The following SEL1L3 variants were observed in gnomAD, a reference collection of about 807,000 sequenced individuals.
SEL1L3 encodes protein sel-1 homolog 3.
A neutral mutation model predicts 142.8 loss-of-function variants in SEL1L3; 76 were observed. The ratio of observed to expected loss-of-function variants is 0.53; its 90% confidence interval spans 0.44 to 0.64. The LOEUF (loss-of-function observed/expected upper bound fraction) is 0.64. SEL1L3 is among the 30% of genes least tolerant of loss of function. The pLI, the probability that SEL1L3 is intolerant of heterozygous loss-of-function variation, is 0.00. For synonymous variants in SEL1L3, 504 were observed against 519.6 expected (o/e 0.97, Z 0.41); for missense variants, 1,262 against 1,381.7 (o/e 0.91, Z 1.37).
intron 13 of SEL1L3, among the ~76,000 whole-genome samples, chr4:25,787,470 C>T (rs1577602112): frequency 6.6e-6 from 1 of 152,132 alleles, no homozygotes; most frequent in Non-Finnish European, 1.5e-5. Context: ...ACAGGCACAG[C>T]CACCACACCT....
chr4:25,787,010 A>G (rs912409275), intron 13 of SEL1L3, among the ~76,000 whole-genome samples: 13 of 152,322 alleles, frequency 8.5e-5, no homozygotes, highest in Non-Finnish European at 1.9e-4. Flanking sequence ...GGATATGGAC[A>G]TAAGTCCACG....
Position 25,862,657 on chromosome 4 carries a change from G to T in SEL1L3, c.162+18C>A. 1 of 1,246,744 alleles carries T rather than the reference G, an allele frequency of 8.0e-7. No homozygotes were observed. Among genetic ancestry groups the T allele is most frequent in the Non-Finnish European group, 1.0e-6 (1 of 992,696 alleles). 77.2% of individuals were successfully genotyped at this position (1,246,744 alleles called of 1,614,324 possible). A position where few individuals can be genotyped will look rare whatever the true frequency, so the allele number is the denominator to read the frequency against. On this transcript the variant is annotated intron_variant, in intron 1 of 23. Transcript: ENST00000399878. ...GCCCCGCGCGGAGGGGAAGACCCGG[G>T]CAGGGTCCGGCGCTCACCAGGTAGC...
intron 7 of SEL1L3, among the ~76,000 whole-genome samples, chr4:25,820,157 T>A (rs909318886): frequency 6.6e-6 from 1 of 152,222 alleles, no homozygotes; most frequent in African/African-American, 2.4e-5. Flanking sequence ...TCTCTTTGTG[T>A]CCAGCTTCTT....
chr4:25,798,691 G>C (rs1712960320), intron 11 of SEL1L3, among the ~76,000 whole-genome samples: 1 of 152,208 alleles, frequency 6.6e-6, no homozygotes, highest in Admixed American at 6.5e-5. Flanking sequence ...AGCCGGGCGT[G>C]GTGGCACATG....
the SEL1L3 span, among the ~76,000 whole-genome samples, chr4:25,739,072 G>A: frequency 2.0e-5 from 3 of 151,952 alleles, no homozygotes; most frequent in Non-Finnish European, 4.4e-5. Context: ...GCCAGGCATG[G>A]TGGGGGCACA....
chr4:25,804,648 T>G lies in SEL1L3; in HGVS notation c.1669A>C (p.Ile557Leu). The change falls in exon 10 of 24, where the codon ATC becomes CTC. Residue 557 changes from isoleucine to leucine, a missense_variant. By Grantham distance (5) the Ile-to-Leu change is conservative. Coordinates refer to ENST00000399878, the MANE Select transcript of SEL1L3 (RefSeq NM_015187.5). ...SIDGLHQISS[I>L]VPFLTDSSCC... ...CTGGAATCCGTCAGAAAGGGGACGA[T>G]AGAGCTAATTTGGTGAAGACCATCA... is the stretch of plus-strand genomic sequence containing the variant. 6.2e-7 allele frequency: 1 copy of G among 1,613,740 alleles called. No individual in the cohort carries two copies.
intron 19 of SEL1L3, 90 bp downstream of exon 19, chr4:25,767,435 C>T (rs1718822293): frequency 1.4e-6 from 1 of 703,542 alleles, no homozygotes; most frequent in Non-Finnish European, 2.5e-6. Context: ...TTAGAAATAC[C>T]TCACTTCACA....
chr4:25,796,823 T>C, intron 11 of SEL1L3, among the ~76,000 whole-genome samples: 1 of 151,824 alleles, frequency 6.6e-6, no homozygotes, highest in South Asian at 2.1e-4. Context: ...GTTTTGTGTT[T>C]GTTGGAAAAT....
downstream of SEL1L3, among the ~76,000 whole-genome samples, chr4:25,745,500 G>A (rs757185935): frequency 2.6e-5 from 4 of 152,222 alleles, no homozygotes; most frequent in African/African-American, 7.2e-5. Flanking sequence ...ATGCCCTGCC[G>A]TTCAGCACTG....
intron 17 of SEL1L3, among the ~76,000 whole-genome samples, chr4:25,775,478 G>A (rs1719548110): frequency 6.6e-6 from 1 of 152,214 alleles, no homozygotes; most frequent in Non-Finnish European, 1.5e-5. Context: ...CTTTGAGGCA[G>A]TGGACTGAGG....
intron 9 of SEL1L3, among the ~76,000 whole-genome samples, chr4:25,807,566 C>T (rs1344323143): frequency 6.6e-6 from 1 of 151,996 alleles, no homozygotes; most frequent in Non-Finnish European, 1.5e-5. Flanking sequence ...AGCAAAGCAA[C>T]ATTAACATTT....
intron 11 of SEL1L3, among the ~76,000 whole-genome samples, chr4:25,799,692 TC>T (rs1334156707): frequency 6.6e-6 from 1 of 152,068 alleles, no homozygotes; most frequent in Non-Finnish European, 1.5e-5. Context: ...CCAAGATGAC[TC>T]CCCAGGTTCT....
At chr4:25,826,040 C>T (rs1042505888) in intron 6 of SEL1L3, among the ~76,000 whole-genome samples, 5 of 152,126 alleles carry the variant, frequency 3.3e-5, no homozygotes, top group Admixed American at 6.6e-5. Context: ...CTAGCACTCA[C>T]CACGATTTGT....
chr4:25,863,308 C>T (rs1387736294), upstream of SEL1L3: 7 of 433,524 alleles, frequency 1.6e-5, no homozygotes, highest in Non-Finnish European at 2.9e-5. Context: ...CTCCCTCCGG[C>T]TCCCTCTTCC....
chr4:25,755,242 C>A (rs975577089), intron 23 of SEL1L3, among the ~76,000 whole-genome samples: 1 of 149,080 alleles, frequency 6.7e-6, no homozygotes, highest in Non-Finnish European at 1.5e-5. Flanking sequence ...TGCAATGACA[C>A]CTGGCTAATT....
chr4:25,831,514 ATT>A (rs780223796), intron 5 of SEL1L3, among the ~76,000 whole-genome samples: 17,818 of 88,932 alleles, frequency 0.2, 1,253 homozygotes, highest in Non-Finnish European at 0.26. Flanking sequence ...AATAATAATT[ATT>A]ATTATTATTA....
At chr4:25,834,612 A>G (rs911665403) in intron 3 of SEL1L3, among the ~76,000 whole-genome samples, 2 of 152,184 alleles carry the variant, frequency 1.3e-5, no homozygotes, top group Non-Finnish European at 2.9e-5. Context: ...GCTCATGAAG[A>G]TAAGTTATTA....
intron 19 of SEL1L3, among the ~76,000 whole-genome samples, chr4:25,765,836 A>G (rs1718688893): frequency 6.6e-6 from 1 of 151,718 alleles, no homozygotes; most frequent in Non-Finnish European, 1.5e-5. Flanking sequence ...ACGGGGTTTC[A>G]CCATGTTGTC....
chr4:25,714,861 C>T, the SEL1L3 span, among the ~76,000 whole-genome samples: 6 of 151,854 alleles, frequency 4.0e-5, no homozygotes, highest in Non-Finnish European at 4.4e-5. Context: ...TGTGAGCCAC[C>T]GCGCCCTGCC....
Sources: gnomAD v4.1 joint callset for allele counts (sites outside exome capture counted in the v4.1 genomes callset) on GRCh38, gnomAD v4.1.1 for gene constraint, MANE v1.5 for transcripts, NCBI Gene and HGNC (gene_info 2026-07-23, HGNC 2026-07-21) for gene names.